Variants in STX4 observed in about 807,000 individuals in gnomAD.
STX4 encodes the protein syntaxin-4.
A neutral mutation model predicts 41.8 loss-of-function variants in STX4; 24 were observed. That is an observed-to-expected ratio of 0.57 (90% CI 0.42 to 0.81). The LOEUF is 0.81. STX4 is among the 30% of genes least tolerant of loss of function. The pLI is 0.00. For missense variants in STX4, 316 were observed against 389.9 expected (o/e 0.81, Z 1.60); for synonymous variants, 158 against 156.4 (o/e 1.01, Z -0.08).
chr16:31,039,983 A>G lies in STX4; in HGVS notation c.*87A>G. 1.5e-6 allele frequency: 1 copy of G among 665,684 alleles called. No individual in the cohort carries two copies. Among genetic ancestry groups the G allele is most frequent in the East Asian group, 2.6e-5 (1 of 37,784 alleles). 41.2% of individuals were successfully genotyped at this position (665,684 alleles called of 1,614,324 possible). A position where few individuals can be genotyped will look rare whatever the true frequency, so the allele number is the denominator to read the frequency against. ...GCCTGGGGGGCAGGGCAGAGCCTCC[A>G]GTCGGACCCCTTCCTCACACTGGCC... is the stretch of plus-strand genomic sequence containing the variant. On this transcript the variant is annotated 3_prime_UTR_variant, in exon 11 of 11. Transcript: ENST00000313843. The surrounding 1 kb of genome is among the most constrained non-coding windows in gnomAD (Gnocchi z 4.1).
chr16:31,036,069 G>A (rs984409544), intron 5 of STX4, among the ~76,000 whole-genome samples: 4 of 152,032 alleles, frequency 2.6e-5, no homozygotes, highest in Non-Finnish European at 4.4e-5. Context: ...ATGAGCCACC[G>A]CGCGCGGCCC....
chr16:31,034,686 A>G (rs932759525), intron 4 of STX4, 150 bp downstream of exon 4: 4 of 891,542 alleles, frequency 4.5e-6, no homozygotes, highest in African/African-American at 3.4e-5. Context: ...CCTCCAGGCC[A>G]TTGTACTCTC....
Position 31,034,343 on chromosome 16 carries a change from T to C in STX4, c.232+18T>C. On this transcript the variant is annotated intron_variant, in intron 3 of 10. Coordinates refer to ENST00000313843, the MANE Select transcript of STX4 (RefSeq NM_004604.5). ...CGAGGAGAGTGAGTGAAACCCCGGC[T>C]GCAGGGCGCATGCTCCGCCCCAGGG... is the stretch of plus-strand genomic sequence containing the variant. 6.2e-7 allele frequency: 1 copy of C among 1,613,884 alleles called. No individual in the cohort carries two copies. The highest frequency in any genetic ancestry group is 8.5e-7 in the Non-Finnish European group (1 of 1,179,852).
intron 3 of STX4, 58 bp from the exon 4 acceptor site, chr16:31,034,404 A>G: frequency 6.2e-7 from 1 of 1,606,110 alleles, no homozygotes; most frequent in South Asian, 1.1e-5. Context: ...GGTGGTGGCC[A>G]GAGTGGTTTG....
chr16:31,035,053 T>C lies in STX4; in HGVS notation c.378+13T>C, dbSNP rs780290870. The C allele has an allele frequency of 4.4e-6, 7 of 1,598,790 alleles. No homozygotes were observed. Among genetic ancestry groups the C allele is most frequent in the South Asian group, 1.1e-5 (1 of 88,256 alleles). On this transcript the variant is annotated intron_variant, in intron 5 of 10. Coordinates refer to ENST00000313843, the MANE Select transcript of STX4 (RefSeq NM_004604.5). The stretch of plus-strand genomic sequence containing the variant: ...GAGAAAAACCCAGGTGGGTTTTTTT[T>C]CTCAGAAATGAGGACATTTCAGCAA...
intron 8 of STX4, 77 bp downstream of exon 8, chr16:31,038,724 C>T: frequency 6.4e-7 from 1 of 1,552,728 alleles, no homozygotes; most frequent in Non-Finnish European, 8.7e-7. Context: ...CTTAGATTCT[C>T]TCCCTGAGGC....
chr16:31,038,375 C>A, intron 7 of STX4, 135 bp from the exon 8 acceptor site: 2 of 1,395,350 alleles, frequency 1.4e-6, no homozygotes, highest in Non-Finnish European at 9.9e-7. Flanking sequence ...CCTGAGGCCT[C>A]TAAGGGAATT....
Position 31,035,971 on chromosome 16 carries a change from G to C in STX4, c.378+931G>C, listed in dbSNP as rs377221773. Among the ~76,000 whole-genome samples, 9 of 152,058 alleles carry C rather than the reference G, an allele frequency of 5.9e-5. No individual in the cohort carries two copies. In the South Asian group the frequency reaches 1.9e-3, roughly 32 times the overall value. ...TTTTTATATTTTTGGTAGAAATGAG[G>C]TTTCACCTTGTTGGCCAGGCTGGTC... On this transcript the variant is annotated intron_variant, in intron 5 of 10. Coordinates refer to ENST00000313843, the MANE Select transcript of STX4 (RefSeq NM_004604.5).
intron 4 of STX4, 102 bp downstream of exon 4, chr16:31,034,638 G>GCCTGCTGTGTGACCTGGATA: frequency 7.6e-7 from 1 of 1,322,090 alleles, no homozygotes; most frequent in Non-Finnish European, 1.0e-6. Flanking sequence ...ATATATCCAG[G>GCCTGCTGTGTGACCTGGATA]TCACACAGCA....
At chr16:31,038,481 C>G (rs1335564913) in intron 7 of STX4, 29 bp from the exon 8 acceptor site, 4 of 1,613,316 alleles carry the variant, frequency 2.5e-6, no homozygotes, top group Non-Finnish European at 3.4e-6. Context: ...TCCCTGTGAA[C>G]AGTTGCCCCA....
chr16:31,033,195 C>A, upstream of STX4: 1 of 612,248 alleles, frequency 1.6e-6, no homozygotes, highest in Non-Finnish European at 3.1e-6. This position sits in a 1 kb window ranked among gnomAD's most constrained non-coding sequence, Gnocchi z 5.5. Flanking sequence ...CCGGGGACGT[C>A]GTGATGAGAA....
In STX4 at chr16:31,034,074, C is replaced by A; in HGVS notation, c.92C>A (p.Thr31Lys). 6.2e-7 allele frequency: 1 copy of A among 1,610,118 alleles called. No homozygotes were observed. The highest frequency in any genetic ancestry group is 1.1e-5 in the South Asian group (1 of 90,750). Residue 31 changes from threonine to lysine, a missense_variant, in exon 2 of 11, where the codon ACG (threonine) becomes AAG (lysine). Coordinates refer to ENST00000313843, the MANE Select transcript of STX4 (RefSeq NM_004604.5). ...GTCGCGCTGGTGGTGCACCCGGGCA[C>A]GGCACGGCTGGGGAGCCCGGACGAG... ...ERVALVVHPGTARLGSPDEEF... is the reference protein window; with the variant it reads ...ERVALVVHPGKARLGSPDEEF...
At chr16:31,035,116 AAGGGCC>A (rs2056790365) in intron 5 of STX4, 76 bp downstream of exon 5, 2 of 1,257,922 alleles carry the variant, frequency 1.6e-6, no homozygotes, top group African/African-American at 3.0e-5. Context: ...TGTATGAAGG[AAGGGCC>A]TGCAGAGATC....
intron 4 of STX4, 28 bp from the exon 5 acceptor site, chr16:31,034,941 AC>A: frequency 2.0e-6 from 3 of 1,532,338 alleles, no homozygotes; most frequent in Non-Finnish European, 2.6e-6. Context: ...GGAGACAAGT[AC>A]CCCCAATACC....
intron 5 of STX4, among the ~76,000 whole-genome samples, chr16:31,035,515 C>G (rs2056793138): frequency 6.6e-6 from 1 of 152,080 alleles, no homozygotes; most frequent in Non-Finnish European, 1.5e-5. Context: ...CGTGAGCCAC[C>G]ATGCCCAGCT....
chr16:31,033,472 C>A (rs1251282206), upstream of STX4: 3 of 1,549,822 alleles, frequency 1.9e-6, no homozygotes, highest in Middle Eastern at 1.7e-4. This position sits in a 1 kb window ranked among gnomAD's most constrained non-coding sequence, Gnocchi z 5.5. Context: ...CGGGGCGCAA[C>A]AACTTCCGAC....
At position 31,034,993 on chromosome 16, in the gene STX4, G is replaced by C. The variant is rs2056788797; in HGVS notation, c.331G>C (p.Ala111Pro). The C allele has an allele frequency of 1.9e-6, 3 of 1,611,498 alleles. No individual in the cohort carries two copies. The highest frequency in any genetic ancestry group is 2.5e-6 in the Non-Finnish European group (3 of 1,179,134). Residue 111 changes from alanine to proline, a missense_variant, in exon 5 of 11, where the codon GCT becomes CCT. Physicochemically the swap from Ala to Pro is conservative, Grantham distance 27 (BLOSUM62 -1). Transcript: ENST00000313843. The stretch of plus-strand genomic sequence containing the variant: ...AGCCATAGAGCCCCAGAAGGAGGAA[G>C]CTGATGAGAACTATAACTCCGTCAA... ...LKAIEPQKEE[A>P]DENYNSVNTR...
chr16:31,037,817 AT>A (rs919400098), intron 5 of STX4, 108 bp from the exon 6 acceptor site: 11 of 1,075,746 alleles, frequency 1.0e-5, no homozygotes, highest in Non-Finnish European at 1.5e-5. Flanking sequence ...AAGGTGGCAG[AT>A]CCCGCATAAG....
rs535927637 is a variant in STX4 at position 31,039,093 on chromosome 16, C to T, written c.702+446C>T. 2 of 236,170 alleles carry T rather than the reference C, an allele frequency of 8.5e-6. No individual in the cohort carries two copies. Among genetic ancestry groups the T allele is most frequent in the East Asian group, 2.1e-4 (2 of 9,596 alleles). The allele number at this position is 236,170 out of a possible 1,614,324, so 14.6% of individuals were successfully genotyped here. On this transcript the variant is annotated intron_variant, in intron 8 of 10. Transcript: ENST00000313843. This position sits in a 1 kb window ranked among gnomAD's most constrained non-coding sequence, Gnocchi z 4.1. ...GGAGCTGGCCTCAGTCATGCTACAG[C>T]CAATGCCCTTTTGCAGCTGAGACTT...
Sources: gnomAD v4.1 joint callset for allele counts (sites outside exome capture counted in the v4.1 genomes callset) on GRCh38, gnomAD v4.1.1 for gene constraint, Gnocchi (gnomAD v3.1) non-coding constraint, MANE v1.5 for transcripts, NCBI Gene and HGNC (gene_info 2026-07-23, HGNC 2026-07-21) for gene names.